Variants in LARGE1 observed in about 807,000 individuals in gnomAD.
LARGE1 encodes LARGE xylosyl- and glucuronyltransferase 1.
A neutral mutation model predicts 87.6 loss-of-function variants in LARGE1; 43 were observed. That is an observed-to-expected ratio of 0.49 (90% CI 0.38 to 0.63). The LOEUF is 0.63. Among genes scored for constraint, LARGE1 ranks in the 30% least tolerant of loss-of-function variants. The pLI is 0.00. For synonymous variants in LARGE1, 434 were observed against 394.6 expected (o/e 1.10, Z -1.18); for missense variants, 802 against 1,000.2 (o/e 0.80, Z 2.67).
At chr22:33,755,307 G>A (rs558448056) in intron 2 of LARGE1, among the ~76,000 whole-genome samples, 1 of 152,252 alleles carries the variant, frequency 6.6e-6, no homozygotes, top group Admixed American at 6.5e-5. Context: ...AAGTGTTCAG[G>A]ACTTCACATC....
chr22:33,786,478 T>C (rs1344558958), intron 1 of LARGE1, among the ~76,000 whole-genome samples: 1 of 152,156 alleles, frequency 6.6e-6, no homozygotes, highest in Non-Finnish European at 1.5e-5. Flanking sequence ...TGGACTCTTC[T>C]CTCCAAGAGA....
At chr22:33,476,274 A>G (rs867704070) in intron 6 of LARGE1, among the ~76,000 whole-genome samples, 1 of 152,216 alleles carries the variant, frequency 6.6e-6, no homozygotes, top group Non-Finnish European at 1.5e-5. Flanking sequence ...ATGCAGATTC[A>G]TTGAGCCAGA....
At chr22:33,869,721 T>G (rs148246033) in intron 1 of LARGE1, among the ~76,000 whole-genome samples, 55 of 152,264 alleles carry the variant, frequency 3.6e-4, no homozygotes, top group East Asian at 9.7e-4. Flanking sequence ...TTCTCCCCAT[T>G]TCAGAGATGA....
intron 1 of LARGE1, among the ~76,000 whole-genome samples, chr22:33,896,391 A>C (rs914797068): frequency 6.6e-6 from 1 of 152,216 alleles, no homozygotes; most frequent in Non-Finnish European, 1.5e-5. Flanking sequence ...TGCTATGAAC[A>C]TGAGTATGCA....
intron 5 of LARGE1, among the ~76,000 whole-genome samples, chr22:33,594,981 C>A (rs917222383): frequency 1.3e-5 from 2 of 152,148 alleles, no homozygotes; most frequent in African/African-American, 4.8e-5. Context: ...GGAAGGCTCA[C>A]AAGAACGAGA....
At chr22:33,495,029 C>G (rs577336315) in intron 6 of LARGE1, among the ~76,000 whole-genome samples, 2 of 152,108 alleles carry the variant, frequency 1.3e-5, no homozygotes, top group Non-Finnish European at 2.9e-5. Flanking sequence ...CTCGTTCCCT[C>G]TATTCTCTCC....
chr22:33,804,421 A>G (rs1010381358), intron 1 of LARGE1, among the ~76,000 whole-genome samples: 1 of 152,188 alleles, frequency 6.6e-6, no homozygotes, highest in Non-Finnish European at 1.5e-5. Context: ...TTATCCATTC[A>G]TTCCATGAAC....
chr22:33,568,177 G>A (rs1476053964), intron 5 of LARGE1, among the ~76,000 whole-genome samples: 1 of 152,192 alleles, frequency 6.6e-6, no homozygotes, highest in Non-Finnish European at 1.5e-5. Context: ...CCACCTGGCT[G>A]AGGCAGTGAC....
At chr22:33,627,072 A>T (rs2079944371) in intron 3 of LARGE1, among the ~76,000 whole-genome samples, 1 of 152,200 alleles carries the variant, frequency 6.6e-6, no homozygotes, top group South Asian at 2.1e-4. Flanking sequence ...AATGATACCA[A>T]AAAAGGTCCT....
At chr22:33,840,385 C>T (rs1568976058) in intron 1 of LARGE1, among the ~76,000 whole-genome samples, 1 of 152,152 alleles carries the variant, frequency 6.6e-6, no homozygotes. Flanking sequence ...TTTATACATA[C>T]ATTCTTTTAA....
At chr22:33,067,456 C>T in the LARGE1 span, among the ~76,000 whole-genome samples, 1 of 152,120 alleles carries the variant, frequency 6.6e-6, no homozygotes, top group Non-Finnish European at 1.5e-5. Context: ...AATAATAATA[C>T]ACTTGTGCAC....
downstream of LARGE1, among the ~76,000 whole-genome samples, chr22:33,271,622 C>T (rs752281489): frequency 3.3e-5 from 5 of 152,176 alleles, no homozygotes; most frequent in Admixed American, 6.5e-5. Context: ...CCTGTTTTAC[C>T]CCCCAGGGAA....
At chr22:33,465,512 CAAT>C (rs1207884485) in intron 6 of LARGE1, among the ~76,000 whole-genome samples, 1 of 152,126 alleles carries the variant, frequency 6.6e-6, no homozygotes, top group African/African-American at 2.4e-5. Flanking sequence ...AAAAACAAAA[CAAT>C]AATGATTGCA....
At chr22:33,455,236 A>G (rs528938309) in intron 6 of LARGE1, among the ~76,000 whole-genome samples, 1 of 152,336 alleles carries the variant, frequency 6.6e-6, no homozygotes, top group Admixed American at 6.5e-5. Flanking sequence ...CAGGGCACAC[A>G]GATGGCTCAC....
At chr22:33,377,231 C>T (rs1456897747) in intron 9 of LARGE1, among the ~76,000 whole-genome samples, 3 of 152,200 alleles carry the variant, frequency 2.0e-5, no homozygotes, top group African/African-American at 4.8e-5. Flanking sequence ...CAAAAGACTC[C>T]GTGAAAACCA....
At chr22:33,399,190 T>C (rs1352077660) in intron 7 of LARGE1, among the ~76,000 whole-genome samples, 2 of 151,558 alleles carry the variant, frequency 1.3e-5, no homozygotes, top group African/African-American at 4.8e-5. Flanking sequence ...CCTGTGTCCA[T>C]GTGTTCTCAT....
chr22:33,130,262 C>T, the LARGE1 span, among the ~76,000 whole-genome samples: 2 of 140,676 alleles, frequency 1.4e-5, no homozygotes, highest in African/African-American at 2.7e-5. Context: ...TGCAGTGAGC[C>T]GAGACAGCGC....
chr22:33,521,771 G>A (rs1487266564), intron 6 of LARGE1, among the ~76,000 whole-genome samples: 4 of 152,212 alleles, frequency 2.6e-5, no homozygotes, highest in African/African-American at 4.8e-5. Flanking sequence ...GCTGAGAGGT[G>A]TAGCTCTGTG....
At chr22:33,858,348 C>G (rs768940710) in intron 1 of LARGE1, among the ~76,000 whole-genome samples, 4 of 152,216 alleles carry the variant, frequency 2.6e-5, no homozygotes, top group Middle Eastern at 3.4e-3. Context: ...CAAACCCGGA[C>G]CAGAAGAGAG....
Sources: gnomAD v4.1 joint callset for allele counts (sites outside exome capture counted in the v4.1 genomes callset) on GRCh38, gnomAD v4.1.1 for gene constraint, MANE v1.5 for transcripts, NCBI Gene and HGNC (gene_info 2026-07-23, HGNC 2026-07-21) for gene names.